Variants in CDC25B observed in about 807,000 individuals in gnomAD.
The protein encoded by CDC25B is M-phase inducer phosphatase 2.
CDC25B carries 33 observed loss-of-function variants against 69.8 expected under a neutral mutation model. That is an observed-to-expected ratio of 0.47 (90% CI 0.36 to 0.63). The LOEUF (loss-of-function observed/expected upper bound fraction) is 0.63, where lower values mean the gene tolerates loss of function less well. Among genes scored for constraint, CDC25B ranks in the 30% least tolerant of loss-of-function variants. The pLI, the probability that CDC25B is intolerant of heterozygous loss-of-function variation, is 0.00. For missense variants in CDC25B, 727 were observed against 809.1 expected, an observed-to-expected ratio of 0.90 and a Z score of 1.23; for synonymous variants, 341 against 314.6, an observed-to-expected ratio of 1.08 and a Z score of -0.89.
chr20:3,787,004 A>T (rs1303048369), exon 1 of CDC25B: 2 of 559,404 alleles, frequency 3.6e-6, no homozygotes, highest in Non-Finnish European at 6.3e-6. Context: ...GCTGCTCAAA[A>T]AGAATAAGAA....
chr20:3,796,659 C>A lies in CDC25B; in HGVS notation c.128C>A (p.Pro43Gln). ...LLGSHGLLGS[P>Q]VRAAASSPVT... is the part of the protein sequence containing the mutation. ...GGATCTCATGGCCTCCTGGGGTCCC[C>A]GGTGCGGGCGGCCGCTTCCTCGCCG... Residue 43 changes from proline to glutamine, a missense_variant, in exon 1 of 16, where the codon CCG (proline) becomes CAG (glutamine). Around this residue, in one of 2 missense-constraint regions of CDC25B, gnomAD observed 368 missense variants for 345.6 expected, o/e 1.06. Coordinates refer to ENST00000245960, the MANE Select transcript of CDC25B (RefSeq NM_021873.4). 1.3e-6 allele frequency: 2 copies of A among 1,500,358 alleles called. No individual in the cohort carries two copies. The highest frequency in any genetic ancestry group is 2.6e-5 in the East Asian group (1 of 38,444). The allele number at this position is 1,500,358 out of a possible 1,614,324, so 92.9% of individuals were successfully genotyped here. A position where few individuals can be genotyped will look rare whatever the true frequency, so the allele number is the denominator to read the frequency against.
intron 1 of CDC25B, among the ~76,000 whole-genome samples, chr20:3,791,098 A>G (rs2088908254): frequency 6.6e-6 from 1 of 152,114 alleles, no homozygotes; most frequent in African/African-American, 2.4e-5. Flanking sequence ...AGGCATCCCC[A>G]CCTGACTGCC....
At chr20:3,797,437 G>A (rs1189236968) in intron 1 of CDC25B, among the ~76,000 whole-genome samples, 185 bp from the exon 2 acceptor site, 1 of 152,236 alleles carries the variant, frequency 6.6e-6, no homozygotes, top group African/African-American at 2.4e-5. Context: ...AAGAGAAGAC[G>A]CTTTAGGGCC....
Position 3,803,181 on chromosome 20 carries a change from A to T in CDC25B, c.1331A>T (p.Tyr444Phe). 1 of 1,613,660 alleles carries T rather than the reference A, an allele frequency of 6.2e-7. No homozygotes were observed. The highest frequency in any genetic ancestry group is 8.5e-7 in the Non-Finnish European group (1 of 1,179,656). Residue 444 changes from tyrosine to phenylalanine, a missense_variant, in exon 13 of 16, where the codon TAT (tyrosine) becomes TTT (phenylalanine). Transcript: ENST00000245960. The surrounding 1 kb of genome is among the most constrained non-coding windows in gnomAD (Gnocchi z 4.9). Reference protein sequence around the residue: ...KFVIVDCRYPYEYEGGHIKTA... With the variant: ...KFVIVDCRYPFEYEGGHIKTA... ...GTGATTGTAGACTGCAGATACCCCT[A>T]TGAATATGAAGGCGGGCACATCAAG...
At chr20:3,797,524 C>A in intron 1 of CDC25B, 98 bp from the exon 2 acceptor site, 1 of 1,462,088 alleles carries the variant, frequency 6.8e-7, no homozygotes, top group Non-Finnish European at 9.3e-7. Flanking sequence ...GTGTTTCGCT[C>A]AGTTCTTTTC....
chr20:3,796,301 G>C (rs2089035795), upstream of CDC25B: 18 of 1,363,060 alleles, frequency 1.3e-5, no homozygotes, highest in Non-Finnish European at 1.6e-5. Context: ...GGAAGTGGCA[G>C]CTGCAACTAG....
Position 3,803,056 on chromosome 20 carries a change from C to T in CDC25B, c.1258-52C>T. 3 of 1,589,904 alleles carry T rather than the reference C, an allele frequency of 1.9e-6. No individual in the cohort carries two copies. The highest frequency in any genetic ancestry group is 2.6e-6 in the Non-Finnish European group (3 of 1,158,082). On this transcript the variant is annotated intron_variant, in intron 12 of 15. Coordinates refer to ENST00000245960, the MANE Select transcript of CDC25B (RefSeq NM_021873.4). The surrounding 1 kb of genome is among the most constrained non-coding windows in gnomAD (Gnocchi z 4.9). ...TTCCCTGGGGACAGGCTAGGGCCAC[C>T]TGCCAGCTGCCAGCCTGACCTGCCG...
upstream of CDC25B, chr20:3,795,978 T>G (rs1237077340): frequency 1.0e-6 from 1 of 989,512 alleles, no homozygotes; most frequent in African/African-American, 1.7e-5. Context: ...CTAGCGGTGA[T>G]CCCAGGTGAC....
intron 3 of CDC25B, 117 bp from the exon 4 acceptor site, chr20:3,800,171 C>A: frequency 2.7e-6 from 2 of 734,920 alleles, no homozygotes; most frequent in South Asian, 3.9e-5. Context: ...CCTTCCACTG[C>A]CTTGAGCCTT....
At chr20:3,789,882 A>C (rs2088884713) in intron 1 of CDC25B, among the ~76,000 whole-genome samples, 1 of 151,830 alleles carries the variant, frequency 6.6e-6, no homozygotes, top group African/African-American at 2.4e-5. Context: ...CGAGCTACTC[A>C]GGAGGCTGAG....
chr20:3,799,691 C>A (rs936967307), intron 3 of CDC25B, among the ~76,000 whole-genome samples: 18 of 152,140 alleles, frequency 1.2e-4, no homozygotes, highest in African/African-American at 4.3e-4. Context: ...TGGAAAATTC[C>A]ATAGGAGGGA....
intron 1 of CDC25B, chr20:3,787,151 A>T: frequency 3.0e-6 from 2 of 661,998 alleles, no homozygotes; most frequent in Non-Finnish European, 2.7e-6. Flanking sequence ...TAACATTTTG[A>T]TACATTTCCT....
chr20:3,789,936 C>T (rs1367685749), intron 1 of CDC25B, among the ~76,000 whole-genome samples: 2 of 151,286 alleles, frequency 1.3e-5, no homozygotes, highest in Non-Finnish European at 2.9e-5. Flanking sequence ...TTGCAGTGAG[C>T]GGAGATCGCG....
At chr20:3,796,306 A>C, upstream of CDC25B, 1 of 1,362,486 alleles carries the variant, frequency 7.3e-7, no homozygotes, top group Admixed American at 3.8e-5. Context: ...TGGCAGCTGC[A>C]ACTAGAGGCT....
chr20:3,797,866 C>T (rs1827480896), intron 2 of CDC25B, 117 bp downstream of exon 2: 2 of 1,252,864 alleles, frequency 1.6e-6, no homozygotes, highest in Non-Finnish European at 2.3e-6. Flanking sequence ...ACCTGGTGGG[C>T]CCAGGAGCCT....
In CDC25B at chr20:3,796,705, C is replaced by A; in HGVS notation, c.174C>A (p.Thr58=). 6.4e-7 allele frequency: 1 copy of A among 1,565,564 alleles called. No individual in the cohort carries two copies. The highest frequency in any genetic ancestry group is 1.2e-5 in the South Asian group (1 of 86,790). Residue 58 remains threonine, a synonymous_variant, in exon 1 of 16, where the codon ACC becomes ACA. Coordinates refer to ENST00000245960, the MANE Select transcript of CDC25B (RefSeq NM_021873.4). ...CGCCGGTCACCACCCTCACCCAGAC[C>A]ATGCACGACCTCGCCGGGCTCGGCA... ...ASSPVTTLTQ[T]MHDLAGLGSE...
At chr20:3,793,852 G>T (rs11698874), upstream of CDC25B, among the ~76,000 whole-genome samples, 84,760 of 148,432 alleles carry the variant, frequency 0.57, 24,252 homozygotes, top group East Asian at 0.69. Context: ...TGCGGTGTTT[G>T]GTTTTTTGTT....
At chr20:3,795,544 A>G (rs1600383692), upstream of CDC25B, among the ~76,000 whole-genome samples, 1 of 152,216 alleles carries the variant, frequency 6.6e-6, no homozygotes, top group African/African-American at 2.4e-5. Context: ...GGTTGCTGAC[A>G]CCCTCCTCGA....
At position 3,798,322 on chromosome 20, in the gene CDC25B, T is replaced by G. The variant is rs908609853; in HGVS notation, c.329-90T>G. The G allele has an allele frequency of 9.0e-5, 54 of 599,594 alleles. 1 individual carries two copies. Among genetic ancestry groups the G allele is most frequent in the African/African-American group, 6.6e-4 (33 of 50,290 alleles). 37.1% of individuals were successfully genotyped at this position (599,594 alleles called of 1,614,324 possible). On this transcript the variant is annotated intron_variant, in intron 2 of 15. Coordinates refer to ENST00000245960, the MANE Select transcript of CDC25B (RefSeq NM_021873.4). ...AAGTCCAAACTAGAAACTGTTTTTTTTTTTTTTTTTTTTTTCATATTGGGA... is the reference window on the plus strand; with the variant it reads ...AAGTCCAAACTAGAAACTGTTTTTTGTTTTTTTTTTTTTTTCATATTGGGA...
Sources: gnomAD v4.1 joint callset for allele counts (sites outside exome capture counted in the v4.1 genomes callset) on GRCh38, gnomAD v4.1.1 for gene constraint, gnomAD v4.1.1 regional missense constraint, Gnocchi (gnomAD v3.1) non-coding constraint, MANE v1.5 for transcripts, NCBI Gene and HGNC (gene_info 2026-07-23, HGNC 2026-07-21) for gene names.